Variants in MRM1 observed in about 807,000 individuals in gnomAD.
MRM1 encodes rRNA methyltransferase 1, mitochondrial.
In MRM1, 24 loss-of-function variants were observed where a neutral mutation model predicts 25.0. That is an observed-to-expected ratio of 0.96 (90% confidence interval 0.69 to 1.35). The LOEUF (loss-of-function observed/expected upper bound fraction) is 1.35, where lower values mean the gene tolerates loss of function less well. Ranked by LOEUF, MRM1 falls within the 40% of genes most tolerant of loss-of-function variation. The probability of loss-of-function intolerance (pLI) is 0.00; values close to 1 mark genes in which losing one functional copy is unlikely to be tolerated. For missense variants in MRM1, 431 were observed against 464.1 expected (o/e 0.93, Z 0.65); for synonymous variants, 188 against 199.2 (o/e 0.94, Z 0.47).
chr17:36,632,701 G>A, the MRM1 span, among the ~76,000 whole-genome samples: 1 of 152,192 alleles, frequency 6.6e-6, no homozygotes, highest in Non-Finnish European at 1.5e-5. Context: ...TTGGAGATAT[G>A]GTGTGAGCTG....
the MRM1 span, among the ~76,000 whole-genome samples, chr17:36,620,891 A>G: frequency 6.6e-6 from 1 of 152,178 alleles, no homozygotes; most frequent in African/African-American, 2.4e-5. Flanking sequence ...AGAGAGACTA[A>G]GATGTGCCTC....
chr17:36,629,251 G>A, the MRM1 span, among the ~76,000 whole-genome samples: 1 of 152,162 alleles, frequency 6.6e-6, no homozygotes, highest in Non-Finnish European at 1.5e-5. Context: ...ACACTGCAAG[G>A]GGACTGCCCT....
chr17:36,627,759 C>T, the MRM1 span, among the ~76,000 whole-genome samples: 2 of 146,076 alleles, frequency 1.4e-5, no homozygotes, highest in East Asian at 2.0e-4. Flanking sequence ...ACACAACCTG[C>T]GCCTCCTGGA....
the MRM1 span, among the ~76,000 whole-genome samples, chr17:36,629,918 T>C: frequency 6.6e-6 from 1 of 152,174 alleles, no homozygotes; most frequent in Non-Finnish European, 1.5e-5. Context: ...GGGGGCTTGT[T>C]TACAATGCCT....
the MRM1 span, among the ~76,000 whole-genome samples, chr17:36,616,561 G>A: frequency 6.6e-5 from 10 of 152,294 alleles, no homozygotes; most frequent in African/African-American, 9.6e-5. Flanking sequence ...CCCTGAGGCC[G>A]ACACACACTC....
chr17:36,607,615 T>G, intron 2 of MRM1, 55 bp from the exon 3 acceptor site: 1 of 1,559,890 alleles, frequency 6.4e-7, no homozygotes, highest in Non-Finnish European at 8.7e-7. Context: ...AGTAAGACCC[T>G]ATCTCAAAAT....
At chr17:36,604,750 G>A (rs912342477) in intron 2 of MRM1, among the ~76,000 whole-genome samples, 2 of 151,696 alleles carry the variant, frequency 1.3e-5, no homozygotes, top group African/African-American at 4.9e-5. Context: ...AGGTGGTAGT[G>A]AGCCGAGATT....
downstream of MRM1, among the ~76,000 whole-genome samples, chr17:36,613,063 A>G (rs1225205772): frequency 6.6e-6 from 1 of 152,168 alleles, no homozygotes; most frequent in African/African-American, 2.4e-5. Flanking sequence ...AGATCCTGAG[A>G]TGCCGAGATG....
chr17:36,622,015 C>T, the MRM1 span, among the ~76,000 whole-genome samples: 4 of 151,992 alleles, frequency 2.6e-5, no homozygotes, highest in Admixed American at 2.0e-4. Context: ...GGTGTGTTTG[C>T]GTGACTGCAG....
chr17:36,612,381 G>A (rs771388809), downstream of MRM1, among the ~76,000 whole-genome samples: 12 of 152,328 alleles, frequency 7.9e-5, no homozygotes, highest in Non-Finnish European at 1.6e-4. Flanking sequence ...TGGTATACAG[G>A]CAGTCCCCCA....
the MRM1 span, among the ~76,000 whole-genome samples, chr17:36,628,086 C>T: frequency 6.6e-6 from 1 of 152,150 alleles, no homozygotes; most frequent in Non-Finnish European, 1.5e-5. Flanking sequence ...TTGCAAATGC[C>T]CTCTCTCTAA....
rs1326839966 is a variant in MRM1, at chr17:36,602,045, G to A, written c.235G>A (p.Ala79Thr). 6.2e-7 allele frequency: 1 copy of A among 1,610,346 alleles called. No homozygotes were observed. Among genetic ancestry groups the A allele is most frequent in the South Asian group, 1.1e-5 (1 of 91,036 alleles). The change falls in exon 1 of 5, where the codon GCT becomes ACT. Residue 79 changes from alanine to threonine, a missense_variant. Ala to Thr is a moderately conservative substitution (Grantham distance 58). Transcript: ENST00000614766. This position sits in a 1 kb window ranked among gnomAD's most constrained non-coding sequence, Gnocchi z 4.1. ...VARLLLQAGK[A>T]GLQGKRAELL... is the part of the protein sequence containing the mutation. ...CCGGCTCCTGCTCCAGGCGGGTAAA[G>A]CTGGGCTGCAGGGGAAGCGGGCCGA...
intron 2 of MRM1, among the ~76,000 whole-genome samples, chr17:36,605,071 C>T (rs371870114): frequency 1.3e-5 from 2 of 149,734 alleles, no homozygotes; most frequent in African/African-American, 2.5e-5. Flanking sequence ...ATCCAGGAGG[C>T]GGAGGTTGCA....
At position 36,607,985 on chromosome 17, in the gene MRM1, GGACTTGAGTCCTTGAAC is replaced by G; in HGVS notation, c.858_874del (p.Glu288CysfsTer38). ...CCTGCCCCGGCGCCAGCTGCCTCCT[GGACTTGAGTCCTTGAAC>G]GTCTCTGTGGCTGCAGGTGAGTCTA... On this transcript the variant is annotated frameshift_variant, in exon 4 of 5. Transcript: ENST00000614766. LOFTEE classifies it low-confidence loss of function (END_TRUNC). 2 of 1,614,148 alleles carry G rather than the reference GGACTTGAGTCCTTGAAC, an allele frequency of 1.2e-6. No homozygotes were observed. The highest frequency in any genetic ancestry group is 1.7e-6 in the Non-Finnish European group (2 of 1,180,038).
intron 2 of MRM1, among the ~76,000 whole-genome samples, chr17:36,607,019 A>G (rs568968790): frequency 6.6e-6 from 1 of 151,340 alleles, no homozygotes; most frequent in South Asian, 2.1e-4. Flanking sequence ...AGTTCAAGCG[A>G]TTCTCCTGCC....
the MRM1 span, among the ~76,000 whole-genome samples, chr17:36,629,847 C>G: frequency 1.3e-5 from 2 of 152,310 alleles, no homozygotes; most frequent in South Asian, 4.1e-4. Context: ...GACCTGGGGT[C>G]TCCCAGGAGT....
downstream of MRM1, among the ~76,000 whole-genome samples, chr17:36,609,346 A>T (rs1012004207): frequency 6.6e-6 from 1 of 152,228 alleles, no homozygotes; most frequent in Non-Finnish European, 1.5e-5. Flanking sequence ...GTCTGACATG[A>T]TGGGTGTGGC....
chr17:36,630,816 A>G, the MRM1 span, among the ~76,000 whole-genome samples: 3 of 152,264 alleles, frequency 2.0e-5, no homozygotes, highest in Admixed American at 1.3e-4. Context: ...TTGGGGGCAG[A>G]TTTATTTGGT....
rs1366539774 is a variant in MRM1, at chr17:36,607,899, G to A, written c.770G>A (p.Gly257Glu). The change falls in exon 4 of 5, where the codon GGG (glycine) becomes GAG (glutamate). Residue 257 changes from glycine to glutamate, a missense_variant and splice_region_variant. Gly to Glu is a moderately conservative substitution (Grantham distance 98). Transcript: ENST00000614766. Reference sequence around the variant, plus strand: ...TAACCCTCAGCCCCACGCCCTGCAGGGAATGAGGGCTCAGGTCTATCCCAG... The same window carrying A: ...TAACCCTCAGCCCCACGCCCTGCAGAGAATGAGGGCTCAGGTCTATCCCAG... The part of the protein sequence containing the change: ...LWERPTLLVL[G>E]NEGSGLSQEV... 6 of 1,613,686 alleles carry A rather than the reference G, an allele frequency of 3.7e-6. No individual in the cohort carries two copies. Among genetic ancestry groups the A allele is most frequent in the Admixed American group, 1.7e-5 (1 of 59,980 alleles).
Sources: allele counts gnomAD v4.1 joint callset (sites outside exome capture counted in the v4.1 genomes callset), GRCh38; gene constraint gnomAD v4.1.1; non-coding constraint Gnocchi (gnomAD v3.1); transcripts MANE v1.5; gene names NCBI Gene and HGNC (gene_info 2026-07-23, HGNC 2026-07-21).